TRIM56: variants seen among roughly 807,000 people sequenced by gnomAD.
TRIM56 encodes E3 ubiquitin-protein ligase TRIM56.
Under a neutral mutation model 17.1 loss-of-function variants are expected in TRIM56, and 10 were observed. That is an observed-to-expected ratio of 0.58 (90% CI 0.36 to 0.99). The LOEUF (loss-of-function observed/expected upper bound fraction) is 0.99, where lower values mean the gene tolerates loss of function less well. Ranked by LOEUF, TRIM56 falls within the 50% of genes least tolerant of loss-of-function variation. TRIM56 has a pLI of 0.01. For synonymous variants in TRIM56, 503 were observed against 473.5 expected, an observed-to-expected ratio of 1.06 and a Z score of -0.81; for missense variants, 923 against 1,052.3, an observed-to-expected ratio of 0.88 and a Z score of 1.70.
In TRIM56 at chr7:101,095,056, G is replaced by C. The variant is rs1378129282; in HGVS notation, c.*5476G>C. 2 of 134,860 alleles carry C rather than the reference G, an allele frequency of 1.5e-5. No homozygotes were observed. Among genetic ancestry groups the C allele is most frequent in the South Asian group, 2.5e-4 (1 of 3,958 alleles). 8.4% of individuals were successfully genotyped at this position (134,860 alleles called of 1,614,324 possible). A position where few individuals can be genotyped will look rare whatever the true frequency, so the allele number is the denominator to read the frequency against. On this transcript the variant is annotated 3_prime_UTR_variant, in exon 3 of 3. Transcript: ENST00000306085. ...GGTTCGCATCTGCCTCCCAAGGCTG[G>C]GCTCCGCGTCAAAAAAAAAAAAAAA...
chr7:101,089,636 G>T lies in TRIM56; in HGVS notation c.*56G>T. On this transcript the variant is annotated 3_prime_UTR_variant, in exon 3 of 3. Transcript: ENST00000306085. ...GGAGGGAGAGGGCAGGAAGGAGGCA[G>T]AGCTGTCCGTGGGAGGTGGAGGCCG... 1 of 1,516,910 alleles carries T rather than the reference G, an allele frequency of 6.6e-7. No homozygotes were observed. The highest frequency in any genetic ancestry group is 1.2e-5 in the South Asian group (1 of 80,638). The allele number at this position is 1,516,910 out of a possible 1,614,324, so 94.0% of individuals were successfully genotyped here. A position where few individuals can be genotyped will look rare whatever the true frequency, so the allele number is the denominator to read the frequency against.
rs865959448 is a variant in TRIM56 at position 101,087,384 on chromosome 7, C to T, written c.72C>T (p.Cys24=). 6.2e-7 allele frequency: 1 copy of T among 1,612,788 alleles called. No homozygotes were observed. Among genetic ancestry groups the T allele is most frequent in the Non-Finnish European group, 8.5e-7 (1 of 1,180,024 alleles). Residue 24 remains cysteine (C), a synonymous_variant, in exon 3 of 3, where the codon TGC becomes TGT. Coordinates refer to ENST00000306085, the MANE Select transcript of TRIM56 (RefSeq NM_030961.3). ...LSSDFLACKI[C]LEQLRAPKTL... ...GCGACTTCCTGGCCTGTAAAATCTG[C>T]CTGGAGCAGCTGCGGGCACCCAAGA...
rs1474489269 is a variant in TRIM56, at chr7:101,087,368, T to G, written c.56T>G (p.Leu19Arg). 1 of 1,613,016 alleles carries G rather than the reference T, an allele frequency of 6.2e-7. No homozygotes were observed. Among genetic ancestry groups the G allele is most frequent in the South Asian group, 1.1e-5 (1 of 91,088 alleles). ...CTGGAGGCCCTGAGCAGCGACTTCC[T>G]GGCCTGTAAAATCTGCCTGGAGCAG... ...SLLEALSSDF[L>R]ACKICLEQLR... Residue 19 changes from leucine (L) to arginine (R), a missense_variant, in exon 3 of 3, where the codon CTG (leucine) becomes CGG (arginine). Transcript: ENST00000306085.
Position 101,088,316 on chromosome 7 carries a change from T to C in TRIM56, c.1004T>C (p.Leu335Pro). The change falls in exon 3 of 3, where the codon CTG becomes CCG. Residue 335 changes from leucine (L) to proline (P), a missense_variant. By Grantham distance (98) the Leu-to-Pro change is moderately conservative. Around this residue, in one of 3 missense-constraint regions of TRIM56, gnomAD observed 643 missense variants for 665.6 expected, o/e 0.97. Coordinates refer to ENST00000306085, the MANE Select transcript of TRIM56 (RefSeq NM_030961.3). ...GCGATCGCACAGCGGCTCAGGCAGC[T>C]GCAGGGCTGCCCCTGGGCACCAGGC... Reference protein sequence around the residue: ...EGAIAQRLRQLQGCPWAPGPA... With the variant: ...EGAIAQRLRQPQGCPWAPGPA... The C allele has an allele frequency of 6.5e-7, 1 of 1,527,928 alleles. No homozygotes were observed. Among genetic ancestry groups the C allele is most frequent in the African/African-American group, 1.4e-5 (1 of 72,422 alleles). The allele number at this position is 1,527,928 out of a possible 1,614,324, so 94.6% of individuals were successfully genotyped here.
At position 101,097,590 on chromosome 7, in the gene TRIM56, G is replaced by A. The variant is rs1426842088; in HGVS notation, c.*8010G>A. The A allele has an allele frequency of 6.6e-6, 1 of 152,234 alleles. No individual in the cohort carries two copies. Among genetic ancestry groups the A allele is most frequent in the Non-Finnish European group, 1.5e-5 (1 of 68,062 alleles). 9.4% of individuals were successfully genotyped at this position (152,234 alleles called of 1,614,324 possible). A position where few individuals can be genotyped will look rare whatever the true frequency, so the allele number is the denominator to read the frequency against. ...CAACATCAGACTAGATCTCACCTGA[G>A]GTGCTGGGTGAGAAATCTTAGGGAC... On this transcript the variant is annotated 3_prime_UTR_variant, in exon 3 of 3. Coordinates refer to ENST00000306085, the MANE Select transcript of TRIM56 (RefSeq NM_030961.3).
chr7:101,086,893 CCCAGTA>C (rs1795457125), intron 1 of TRIM56, 107 bp from the exon 2 acceptor site: 1 of 192,560 alleles, frequency 5.2e-6, no homozygotes, highest in Admixed American at 5.5e-5. Context: ...ACAGCAGGAC[CCCAGTA>C]CCTGTGCACA....
rs1489051556 is a variant in TRIM56, at chr7:101,094,744, C to T, written c.*5164C>T. 6.9e-6 allele frequency: 1 copy of T among 144,720 alleles called. No individual in the cohort carries two copies. The highest frequency in any genetic ancestry group is 1.5e-5 in the Non-Finnish European group (1 of 67,454). 9.0% of individuals were successfully genotyped at this position (144,720 alleles called of 1,614,324 possible). Reference sequence around the variant, plus strand: ...GGCGGGGGAAGTTTTGTTGAGTTCACCAAATAACTCAGACCAACTGGAAAC... The same window carrying T: ...GGCGGGGGAAGTTTTGTTGAGTTCATCAAATAACTCAGACCAACTGGAAAC... On this transcript the variant is annotated 3_prime_UTR_variant, in exon 3 of 3. Coordinates refer to ENST00000306085, the MANE Select transcript of TRIM56 (RefSeq NM_030961.3).
At position 101,089,230 on chromosome 7, in the gene TRIM56, C is replaced by T; in HGVS notation, c.1918C>T (p.Leu640=). Residue 640 remains leucine, a synonymous_variant, in exon 3 of 3, where the codon CTG becomes TTG. Transcript: ENST00000306085. ...CCGGGGCCTGCGGGCGCTGGTGTTT[C>T]TGACCACCAGCCCCCAGGGGCATTT... ...ASRGLRALVF[L]TTSPQGHFVG... The T allele has an allele frequency of 6.2e-7, 1 of 1,613,764 alleles. No individual in the cohort carries two copies.
chr7:101,091,997 C>G lies in TRIM56; in HGVS notation c.*2417C>G. On this transcript the variant is annotated 3_prime_UTR_variant, in exon 3 of 3. Coordinates refer to ENST00000306085, the MANE Select transcript of TRIM56 (RefSeq NM_030961.3). ...TGGAGACGGGGTTTCACTGTGTTGG[C>G]CGGGCTGGTCTCCAGCTCCTAACCG... 3.3e-6 allele frequency: 1 copy of G among 305,818 alleles called. No individual in the cohort carries two copies. Among genetic ancestry groups the G allele is most frequent in the South Asian group, 2.4e-5 (1 of 41,406 alleles). 18.9% of individuals were successfully genotyped at this position (305,818 alleles called of 1,614,324 possible). A position where few individuals can be genotyped will look rare whatever the true frequency, so the allele number is the denominator to read the frequency against.
Position 101,087,967 on chromosome 7 carries a change from C to G in TRIM56, c.655C>G (p.Leu219Val). The change falls in exon 3 of 3, where the codon CTG becomes GTG. Residue 219 changes from leucine (L) to valine (V), a missense_variant. Leu to Val is a conservative substitution (Grantham distance 32). This residue lies in a region of TRIM56 where 643 missense variants were observed against 665.6 expected (regional missense o/e 0.97). Transcript: ENST00000306085. ...VRARRPGLEG[L>V]LAGVDNNLVE... ...TGCCCGGAGGCCGGGCCTGGAGGGA[C>G]TGCTGGCCGGTGTGGACAATAACCT... 6.3e-7 allele frequency: 1 copy of G among 1,595,970 alleles called. No individual in the cohort carries two copies. Among genetic ancestry groups the G allele is most frequent in the Non-Finnish European group, 8.5e-7 (1 of 1,176,926 alleles).
chr7:101,085,612 CG>C (rs2116523952), intron 1 of TRIM56, 41 bp downstream of exon 1: 1 of 139,744 alleles, frequency 7.2e-6, no homozygotes, highest in South Asian at 2.3e-4. Context: ...AAGGACCGAG[CG>C]GAGGGAGTAG....
In TRIM56 at chr7:101,087,882, A is replaced by T; in HGVS notation, c.570A>T (p.Arg190Ser). 3.1e-6 allele frequency: 5 copies of T among 1,606,318 alleles called. No individual in the cohort carries two copies. The highest frequency in any genetic ancestry group is 3.4e-6 in the Non-Finnish European group (4 of 1,178,668). ...AGCCCTGCTCACAGTTGCTGTGCAG[A>T]GAGTGCCGCCTAGACCCCCACCTGG... is the stretch of plus-strand genomic sequence containing the variant. ...LCQPCSQLLCRECRLDPHLDH... is the reference protein window; with the variant it reads ...LCQPCSQLLCSECRLDPHLDH... The change falls in exon 3 of 3, where the codon AGA (arginine) becomes AGT (serine). Residue 190 changes from arginine to serine, a missense_variant. Physicochemically the swap from Arg to Ser is moderately radical, Grantham distance 110. Coordinates refer to ENST00000306085, the MANE Select transcript of TRIM56 (RefSeq NM_030961.3).
At position 101,087,058 on chromosome 7, in the gene TRIM56, T is replaced by TGTA. The variant is rs1002898150; in HGVS notation, c.-111_-109dup. 1 of 516,116 alleles carries TGTA rather than the reference T, an allele frequency of 1.9e-6. No homozygotes were observed. The highest frequency in any genetic ancestry group is 1.9e-5 in the African/African-American group (1 of 52,268). The allele number at this position is 516,116 out of a possible 1,614,324, so 32.0% of individuals were successfully genotyped here. A position where few individuals can be genotyped will look rare whatever the true frequency, so the allele number is the denominator to read the frequency against. On this transcript the variant is annotated 5_prime_UTR_variant, in exon 2 of 3. An upstream open reading frame in the 5' UTR gains an earlier in-frame stop. Coordinates refer to ENST00000306085, the MANE Select transcript of TRIM56 (RefSeq NM_030961.3). ...CACTGACATTTTTACGTTTGCTGGA[T>TGTA]GTACACACGGAAGTGGAGGAGGAGG...
Position 101,088,979 on chromosome 7 carries a change from C to T in TRIM56, c.1667C>T (p.Ala556Val). Reference sequence around the variant, plus strand: ...GAGGGCTGCTCCCCTTGCAGCGTGGCCGCCCTGCAGAGCGCGGTGGCCTTC... The same window carrying T: ...GAGGGCTGCTCCCCTTGCAGCGTGGTCGCCCTGCAGAGCGCGGTGGCCTTC... ...VPEGCSPCSV[A>V]ALQSAVAFSA... The change falls in exon 3 of 3, where the codon GCC becomes GTC. Residue 556 changes from alanine (A) to valine (V), a missense_variant. Physicochemically the swap from Ala to Val is moderately conservative, Grantham distance 64. This residue lies in a region of TRIM56 where 643 missense variants were observed against 665.6 expected (regional missense o/e 0.97). Coordinates refer to ENST00000306085, the MANE Select transcript of TRIM56 (RefSeq NM_030961.3). 1 of 1,611,642 alleles carries T rather than the reference C, an allele frequency of 6.2e-7. No individual in the cohort carries two copies.
rs1795660279 is a variant in TRIM56, at chr7:101,096,859, T to G, written c.*7279T>G. 2 of 152,166 alleles carry G rather than the reference T, an allele frequency of 1.3e-5. No homozygotes were observed. The highest frequency in any genetic ancestry group is 2.9e-5 in the Non-Finnish European group (2 of 68,032). 9.4% of individuals were successfully genotyped at this position (152,166 alleles called of 1,614,324 possible). A position where few individuals can be genotyped will look rare whatever the true frequency, so the allele number is the denominator to read the frequency against. On this transcript the variant is annotated 3_prime_UTR_variant, in exon 3 of 3. Transcript: ENST00000306085. ...CTTATCTGAAGTCACAACAGTGACT[T>G]CAGGAATAGAAGGGACCAATGGCCA... is the stretch of plus-strand genomic sequence containing the variant.
At position 101,088,133 on chromosome 7, in the gene TRIM56, TG is replaced by T; in HGVS notation, c.825del (p.Gln276SerfsTer256). 6.7e-7 allele frequency: 1 copy of T among 1,500,884 alleles called. No homozygotes were observed. Among genetic ancestry groups the T allele is most frequent in the Non-Finnish European group, 8.9e-7 (1 of 1,124,588 alleles). 93.0% of individuals were successfully genotyped at this position (1,500,884 alleles called of 1,614,324 possible). A position where few individuals can be genotyped will look rare whatever the true frequency, so the allele number is the denominator to read the frequency against. On this transcript the variant is annotated frameshift_variant, in exon 3 of 3. Coordinates refer to ENST00000306085, the MANE Select transcript of TRIM56 (RefSeq NM_030961.3). LOFTEE classifies it low-confidence loss of function (END_TRUNC). The stretch of plus-strand genomic sequence containing the variant: ...CTGCTGGCCCAGAAGCAGGAGGTGC[TG>T]GGGCAGCTACGAGCCCACGTGGAGG... ...RALLAQKQEVLGQLRAHVEAA... is the reference protein window; with the variant it reads ...RALLAQKQEVXGQLRAHVEAA...
In TRIM56 at chr7:101,095,202, C is replaced by T. The variant is rs1321933689; in HGVS notation, c.*5622C>T. The T allele has an allele frequency of 6.6e-6, 1 of 152,252 alleles. No homozygotes were observed. Among genetic ancestry groups the T allele is most frequent in the East Asian group, 1.9e-4 (1 of 5,186 alleles). The allele number at this position is 152,252 out of a possible 1,614,324, so 9.4% of individuals were successfully genotyped here. A position where few individuals can be genotyped will look rare whatever the true frequency, so the allele number is the denominator to read the frequency against. On this transcript the variant is annotated 3_prime_UTR_variant, in exon 3 of 3. Transcript: ENST00000306085. ...TAGGCTGGGCAACATAGCAAGACCC[C>T]ATCTCTACAAAAAAATTTTTAAATT...
At position 101,094,581 on chromosome 7, in the gene TRIM56, G is replaced by A. The variant is rs967570651; in HGVS notation, c.*5001G>A. On this transcript the variant is annotated 3_prime_UTR_variant, in exon 3 of 3. Coordinates refer to ENST00000306085, the MANE Select transcript of TRIM56 (RefSeq NM_030961.3). ...AAGAAGAGGCAGGAGCCAGGGAGGA[G>A]GATCCCACCCGGCCGGGGCTCAGCC... 6.6e-6 allele frequency: 1 copy of A among 152,216 alleles called. No homozygotes were observed. The highest frequency in any genetic ancestry group is 1.5e-5 in the Non-Finnish European group (1 of 68,062). The allele number at this position is 152,216 out of a possible 1,614,324, so 9.4% of individuals were successfully genotyped here. A position where few individuals can be genotyped will look rare whatever the true frequency, so the allele number is the denominator to read the frequency against.
In TRIM56 at chr7:101,088,089, T is replaced by C; in HGVS notation, c.777T>C (p.Ala259=). ...TGGGGACTCAGGTGGAGGAGGCGGC[T>C]GAGGGCGTCCTCCGGGCCCTGCTGG... ...ARVGTQVEEA[A]EGVLRALLAQ... Residue 259 remains alanine (A), a synonymous_variant, in exon 3 of 3, where the codon GCT becomes GCC. Transcript: ENST00000306085. 6.6e-7 allele frequency: 1 copy of C among 1,514,098 alleles called. No homozygotes were observed. Among genetic ancestry groups the C allele is most frequent in the Non-Finnish European group, 8.8e-7 (1 of 1,132,028 alleles). The allele number at this position is 1,514,098 out of a possible 1,614,324, so 93.8% of individuals were successfully genotyped here.
Sources: allele counts gnomAD v4.1 joint callset, GRCh38; gene constraint gnomAD v4.1.1; regional missense constraint gnomAD v4.1.1; transcripts MANE v1.5; gene names NCBI Gene and HGNC (gene_info 2026-07-23, HGNC 2026-07-21).